The following VPS13C variants were observed in gnomAD, a reference collection of about 807,000 sequenced individuals.
The protein encoded by VPS13C is vacuolar protein sorting 13 homolog C.
VPS13C carries 358 observed loss-of-function variants against 456.8 expected under a neutral mutation model. That is an observed-to-expected ratio of 0.78 (90% confidence interval 0.72 to 0.86). The LOEUF is 0.86. VPS13C is among the 40% of genes least tolerant of loss of function. The pLI is 0.00. For missense variants in VPS13C, 4,818 were observed against 4,385.4 expected (o/e 1.10, Z -2.79); for synonymous variants, 1,578 against 1,486.7 (o/e 1.06, Z -1.41).
At chr15:62,007,251 G>A (rs568593590) in intron 15 of VPS13C, 57 bp downstream of exon 15, 32 of 1,212,362 alleles carry the variant, frequency 2.6e-5, no homozygotes, top group Non-Finnish European at 9.8e-6. Context: ...ACATGCAGAA[G>A]AATATTAAAG....
chr15:62,007,472 A>C lies in VPS13C; in HGVS notation c.1126T>G (p.Tyr376Asp), dbSNP rs373559813. ...LHTNGRRWWK[Y>D]AIDSVLEVHI... ...ACTTCAAGAACAGAATCAATTGCAT[A>C]TTTCCACCTGAAAATCAAATTTTGT... Residue 376 changes from tyrosine (Y) to aspartate (D), a missense_variant, in exon 15 of 85, where the codon TAT becomes GAT. Transcript: ENST00000644861. 1 of 1,571,220 alleles carries C rather than the reference A, an allele frequency of 6.4e-7. No homozygotes were observed. The highest frequency in any genetic ancestry group is 8.6e-7 in the Non-Finnish European group (1 of 1,162,892).
At chr15:62,041,169 A>G (rs867670395) in intron 3 of VPS13C, among the ~76,000 whole-genome samples, 155 bp downstream of exon 3, 2 of 152,284 alleles carry the variant, frequency 1.3e-5, no homozygotes, top group Middle Eastern at 6.8e-3. Flanking sequence ...TTTATATATA[A>G]TATACATTAG....
chr15:61,914,878 TA>T (rs60910951), intron 61 of VPS13C, among the ~76,000 whole-genome samples: 1,481 of 101,734 alleles, frequency 0.015, 93 homozygotes, highest in African/African-American at 0.052. Context: ...AACTCTGCCT[TA>T]AAAAAAAAAA....
chr15:61,901,518 T>C (rs898432595), intron 66 of VPS13C, among the ~76,000 whole-genome samples: 9 of 152,252 alleles, frequency 5.9e-5, no homozygotes, highest in African/African-American at 2.2e-4. Context: ...AAAATGCTCA[T>C]CATCACTGGC....
At chr15:61,959,420 G>A (rs747225745) in intron 36 of VPS13C, 28 bp downstream of exon 36, 24 of 1,529,668 alleles carry the variant, frequency 1.6e-5, no homozygotes, top group Admixed American at 3.8e-5. Context: ...TTTCAACAAT[G>A]AAGTTTTTTC....
intron 47 of VPS13C, among the ~76,000 whole-genome samples, chr15:61,937,256 C>T (rs1473086349): frequency 6.6e-6 from 1 of 152,100 alleles, no homozygotes; most frequent in Non-Finnish European, 1.5e-5. Context: ...TTTAACTTAT[C>T]AAGAATAATA....
intron 6 of VPS13C, among the ~76,000 whole-genome samples, chr15:62,025,457 A>G (rs1200109891): frequency 2.0e-5 from 3 of 152,104 alleles, no homozygotes; most frequent in East Asian, 3.9e-4. Flanking sequence ...AAGAAATACC[A>G]TTTGAAAAGA....
intron 3 of VPS13C, among the ~76,000 whole-genome samples, chr15:62,036,703 A>G (rs2048011280): frequency 6.6e-6 from 1 of 152,064 alleles, no homozygotes; most frequent in African/African-American, 2.4e-5. Flanking sequence ...GCATACAGAA[A>G]GGGACTGTCT....
chr15:62,024,255 G>A (rs1025586797), intron 6 of VPS13C, among the ~76,000 whole-genome samples: 1 of 151,918 alleles, frequency 6.6e-6, no homozygotes. Flanking sequence ...AGGAACATAG[G>A]CATACAAATG....
intron 18 of VPS13C, among the ~76,000 whole-genome samples, chr15:61,989,241 A>G (rs1170502162): frequency 6.6e-6 from 1 of 151,354 alleles, no homozygotes; most frequent in Non-Finnish European, 1.5e-5. Flanking sequence ...AAAAAAAAAA[A>G]TACAAAAAAT....
chr15:62,019,722 T>C lies in VPS13C; in HGVS notation c.684+757A>G, dbSNP rs137982925. On this transcript the variant is annotated intron_variant, in intron 9 of 84. Coordinates refer to ENST00000644861, the MANE Select transcript of VPS13C (RefSeq NM_020821.3). ...TTTACTTCCAACTATGTGGTCAATT[T>C]TGGAATAGGTGAGGTGTGGTGCTGA... is the stretch of plus-strand genomic sequence containing the variant. Among the ~76,000 whole-genome samples the C allele has an allele frequency of 6.4e-3, 972 of 152,218 alleles. 7 individuals carry two copies. Among genetic ancestry groups the C allele is most frequent in the African/African-American group, 0.022 (918 of 41,532 alleles).
chr15:61,869,091 A>G (rs1224578811), intron 80 of VPS13C, among the ~76,000 whole-genome samples: 2 of 151,138 alleles, frequency 1.3e-5, no homozygotes, highest in African/African-American at 4.9e-5. Flanking sequence ...TAGCCATAAA[A>G]TATGTCTCTT....
Position 61,959,872 on chromosome 15 carries a change from A to G in VPS13C, c.3909-277T>C, listed in dbSNP as rs148982989. On this transcript the variant is annotated intron_variant, in intron 35 of 84. Transcript: ENST00000644861. Reference sequence around the variant, plus strand: ...TTTTTAAAAGCAATCCACACCATTGAAGAAATACAGAAAATCATCATATAC... The same window carrying G: ...TTTTTAAAAGCAATCCACACCATTGGAGAAATACAGAAAATCATCATATAC... Among the ~76,000 whole-genome samples the G allele has an allele frequency of 2.3e-3, 355 of 152,324 alleles. 1 individual carries two copies. The highest frequency in any genetic ancestry group is 7.5e-3 in the African/African-American group (311 of 41,582).
chr15:61,894,167 G>A (rs1028780130), intron 66 of VPS13C, among the ~76,000 whole-genome samples: 1 of 151,998 alleles, frequency 6.6e-6, no homozygotes, highest in Non-Finnish European at 1.5e-5. Flanking sequence ...AATTAGCTAG[G>A]CGTGGTGGCG....
At chr15:61,944,046 C>G (rs1307578253) in intron 45 of VPS13C, among the ~76,000 whole-genome samples, 1 of 152,046 alleles carries the variant, frequency 6.6e-6, no homozygotes, top group Admixed American at 6.6e-5. Context: ...AAATGTTCCA[C>G]ATCACTAACA....
intron 1 of VPS13C, among the ~76,000 whole-genome samples, chr15:62,052,935 T>C (rs1336731805): frequency 6.6e-6 from 1 of 152,282 alleles, no homozygotes; most frequent in East Asian, 1.9e-4. Context: ...TTCAGTTCAC[T>C]TCAGGGATCC....
rs188777722 is a variant in VPS13C, at chr15:61,925,695, G to A, written c.6517-147C>T. 1.6e-3 allele frequency: 736 copies of A among 463,714 alleles called. 2 individuals are homozygous for A. Among genetic ancestry groups the A allele is most frequent in the Admixed American group, 6.8e-3 (157 of 23,064 alleles). 28.7% of individuals were successfully genotyped at this position (463,714 alleles called of 1,614,324 possible). A position where few individuals can be genotyped will look rare whatever the true frequency, so the allele number is the denominator to read the frequency against. ...GCAAAAAAGCAAAAATAAATTAGCT[G>A]AGACTCTGTTGTGAAGACTCTTCTG... On this transcript the variant is annotated intron_variant, in intron 52 of 84. Coordinates refer to ENST00000644861, the MANE Select transcript of VPS13C (RefSeq NM_020821.3).
chr15:61,952,065 G>A (rs539685758), intron 38 of VPS13C, 85 bp from the exon 39 acceptor site: 6 of 1,447,942 alleles, frequency 4.1e-6, no homozygotes, highest in East Asian at 2.3e-5. Context: ...TATCCAGAGT[G>A]ATATAAGGAA....
rs1253985989 is a variant in VPS13C at position 61,907,286 on chromosome 15, A to G, written c.9083T>C (p.Val3028Ala). Reference sequence around the variant, plus strand: ...TACCTTTAACAGATCATGTTCCCCAACATTTGCTGCATATGTCCATGTAAG... The same window carrying G: ...TACCTTTAACAGATCATGTTCCCCAGCATTTGCTGCATATGTCCATGTAAG... Reference protein sequence around the residue: ...RKLTWTYAANVGEHDLLKDGC... With the variant: ...RKLTWTYAANAGEHDLLKDGC... Residue 3028 changes from valine (V) to alanine (A), a missense_variant, in exon 66 of 85, where the codon GTT becomes GCT. Around this residue, in one of 3 missense-constraint regions of VPS13C, gnomAD observed 4,552 missense variants for 4,130.6 expected, o/e 1.10. Coordinates refer to ENST00000644861, the MANE Select transcript of VPS13C (RefSeq NM_020821.3). 3 of 1,613,798 alleles carry G rather than the reference A, an allele frequency of 1.9e-6. No homozygotes were observed. The African/African-American group carries it at 4.0e-5, about 22-fold the overall frequency.
Sources: gnomAD v4.1 joint callset for allele counts (sites outside exome capture counted in the v4.1 genomes callset) on GRCh38, gnomAD v4.1.1 for gene constraint, gnomAD v4.1.1 regional missense constraint, MANE v1.5 for transcripts, NCBI Gene and HGNC (gene_info 2026-07-23, HGNC 2026-07-21) for gene names.